Variants in PTPN13 observed in about 807,000 individuals in gnomAD.
PTPN13 encodes the protein tyrosine-protein phosphatase non-receptor type 13.
PTPN13 carries 191 observed loss-of-function variants against 284.0 expected under a neutral mutation model. The ratio of observed to expected loss-of-function variants is 0.67; its 90% CI spans 0.60 to 0.76. PTPN13 has a LOEUF of 0.76. Among genes scored for constraint, PTPN13 ranks in the 30% least tolerant of loss-of-function variants. The pLI, the probability that PTPN13 is intolerant of heterozygous loss-of-function variation, is 0.00. For missense variants in PTPN13, 2,797 were observed against 2,939.9 expected (o/e 0.95, Z 1.12); for synonymous variants, 986 against 1,022.3 (o/e 0.96, Z 0.68).
chr4:86,774,285 C>T (rs1018659245), intron 32 of PTPN13, 88 bp from the exon 33 acceptor site: 24 of 1,299,810 alleles, frequency 1.8e-5, no homozygotes, highest in Non-Finnish European at 2.4e-5. Flanking sequence ...TTGACTTTCT[C>T]CTCTGTTAAG....
chr4:86,636,112 A>G (rs1355124630), intron 2 of PTPN13, among the ~76,000 whole-genome samples: 1 of 152,146 alleles, frequency 6.6e-6, no homozygotes, highest in Non-Finnish European at 1.5e-5. Context: ...TGATCATGGC[A>G]CAGAAAAGGA....
chr4:86,750,412 A>G, intron 17 of PTPN13, 58 bp from the exon 18 acceptor site: 1 of 1,402,152 alleles, frequency 7.1e-7, no homozygotes, highest in Admixed American at 2.2e-5. Flanking sequence ...TAACATAATT[A>G]TTCTCATAAA....
At chr4:86,699,022 G>T (rs1209849185) in intron 6 of PTPN13, among the ~76,000 whole-genome samples, 1 of 151,778 alleles carries the variant, frequency 6.6e-6, no homozygotes, top group Non-Finnish European at 1.5e-5. Flanking sequence ...ATTATGAGGG[G>T]GGAATCCAGA....
chr4:86,769,755 A>C lies in PTPN13; in HGVS notation c.4490-14A>C. The C allele has an allele frequency of 6.6e-7, 1 of 1,522,994 alleles. No homozygotes were observed. The highest frequency in any genetic ancestry group is 1.2e-5 in the South Asian group (1 of 83,614). 94.3% of individuals were successfully genotyped at this position (1,522,994 alleles called of 1,614,324 possible). On this transcript the variant is annotated splice_polypyrimidine_tract_variant and intron_variant, in intron 28 of 47. Coordinates refer to ENST00000411767, the MANE Select transcript of PTPN13 (RefSeq NM_080683.3). ...TTAATAATATCTAAATTTTTTTTAT[A>C]TCTTTTTCTCCAGAAAATACATTTG...
chr4:86,607,915 A>G (rs964020494), intron 1 of PTPN13, among the ~76,000 whole-genome samples: 4 of 152,056 alleles, frequency 2.6e-5, no homozygotes, highest in African/African-American at 9.7e-5. Context: ...CCTTTTGAAA[A>G]TCTTTTAACA....
At chr4:86,642,927 AT>A (rs1214262553) in intron 2 of PTPN13, among the ~76,000 whole-genome samples, 1 of 152,198 alleles carries the variant, frequency 6.6e-6, no homozygotes, top group Non-Finnish European at 1.5e-5. Flanking sequence ...AAGTGAGGTT[AT>A]TGCTACCTTG....
intron 1 of PTPN13, among the ~76,000 whole-genome samples, chr4:86,614,124 A>G (rs1334147465): frequency 1.3e-5 from 2 of 152,214 alleles, no homozygotes; most frequent in Non-Finnish European, 2.9e-5. Flanking sequence ...CGAATTTATT[A>G]GCAACTTTTT....
intron 7 of PTPN13, among the ~76,000 whole-genome samples, chr4:86,706,446 G>T (rs779260256): frequency 9.9e-5 from 15 of 152,136 alleles, no homozygotes; most frequent in Non-Finnish European, 2.2e-4. Context: ...TATTAGGAAA[G>T]GCTAAAATGA....
chr4:86,665,082 A>C (rs763126998), intron 2 of PTPN13, among the ~76,000 whole-genome samples: 3 of 152,154 alleles, frequency 2.0e-5, no homozygotes, highest in Admixed American at 6.6e-5. Context: ...CACTTGTTTC[A>C]TTAGTGTTTT....
At chr4:86,646,356 G>A (rs997129470) in intron 2 of PTPN13, among the ~76,000 whole-genome samples, 11 of 149,596 alleles carry the variant, frequency 7.4e-5, no homozygotes, top group Non-Finnish European at 1.5e-4. Context: ...GGAGAACAGT[G>A]GTGAGATCTC....
At chr4:86,670,317 T>G (rs949477126) in intron 2 of PTPN13, among the ~76,000 whole-genome samples, 1 of 149,732 alleles carries the variant, frequency 6.7e-6, no homozygotes, top group African/African-American at 2.5e-5. Flanking sequence ...CCCATTCAAA[T>G]GTATAACAGA....
In PTPN13 at chr4:86,603,192, AT is replaced by A. The variant is rs1174055800; in HGVS notation, c.-6+8404del. 6.6e-5 allele frequency among the ~76,000 whole-genome samples: 10 copies of A among 152,352 alleles called. No homozygotes were observed. In the East Asian group the frequency reaches 1.9e-3, roughly 29 times the overall value. On this transcript the variant is annotated intron_variant, in intron 1 of 47. Transcript: ENST00000411767. ...AGTATAATTTGAATTAAAATGAAAA[AT>A]GGAGTATAAAGTAAAATGAATATTT... is the stretch of plus-strand genomic sequence containing the variant.
At chr4:86,759,807 T>C (rs563194170) in intron 23 of PTPN13, among the ~76,000 whole-genome samples, 1 of 152,306 alleles carries the variant, frequency 6.6e-6, no homozygotes, top group East Asian at 1.9e-4. Context: ...AATGAGATAA[T>C]ACATGTAAAG....
intron 7 of PTPN13, among the ~76,000 whole-genome samples, chr4:86,705,180 A>G (rs1731607333): frequency 6.6e-6 from 1 of 151,974 alleles, no homozygotes; most frequent in African/African-American, 2.4e-5. Context: ...CTAAAAATAC[A>G]AAAATTAGCC....
At chr4:86,704,092 G>A (rs114399279) in intron 7 of PTPN13, among the ~76,000 whole-genome samples, 3,588 of 152,222 alleles carry the variant, frequency 0.024, 53 homozygotes, top group Middle Eastern at 0.065. Context: ...GCTGAGGCAG[G>A]AGAATCAAGT....
At chr4:86,630,758 A>G (rs1722383455) in intron 1 of PTPN13, among the ~76,000 whole-genome samples, 1 of 152,242 alleles carries the variant, frequency 6.6e-6, no homozygotes, top group African/African-American at 2.4e-5. Context: ...CAAGTTAAAC[A>G]TTCCTAATTA....
In PTPN13 at chr4:86,766,440, G is replaced by A. The variant is rs202183063; in HGVS notation, c.4252G>A (p.Val1418Ile). Residue 1418 changes from valine to isoleucine, a missense_variant, in exon 27 of 48, where the codon GTC (valine) becomes ATC (isoleucine). Val to Ile is a conservative substitution (Grantham distance 29). Transcript: ENST00000411767. ...AACTGCCTAATTTTTAGGTGATCGCGTCCTAGCTGTCAATGGAGTTAGTCT... is the reference window on the plus strand; with the variant it reads ...AACTGCCTAATTTTTAGGTGATCGCATCCTAGCTGTCAATGGAGTTAGTCT... The part of the protein sequence containing the change: ...SDGRIHKGDR[V>I]LAVNGVSLEG... The A allele has an allele frequency of 2.5e-4, 401 of 1,606,568 alleles. No individual in the cohort carries two copies. The highest frequency in any genetic ancestry group is 3.2e-4 in the Non-Finnish European group (377 of 1,177,818).
intron 35 of PTPN13, among the ~76,000 whole-genome samples, chr4:86,779,008 C>G (rs941464790): frequency 6.7e-6 from 1 of 149,984 alleles, no homozygotes; most frequent in Non-Finnish European, 1.5e-5. Context: ...AATTGTCTTC[C>G]GCTAGCCAAG....
chr4:86,710,046 C>G (rs1024769826), intron 7 of PTPN13, among the ~76,000 whole-genome samples: 1 of 152,104 alleles, frequency 6.6e-6, no homozygotes, highest in Non-Finnish European at 1.5e-5. Flanking sequence ...ATACAGTAGA[C>G]TAATAAACAC....
Sources: allele counts gnomAD v4.1 joint callset (sites outside exome capture counted in the v4.1 genomes callset), GRCh38; gene constraint gnomAD v4.1.1; transcripts MANE v1.5; gene names NCBI Gene and HGNC (gene_info 2026-07-23, HGNC 2026-07-21).